Variants in BDNF observed in about 807,000 individuals in gnomAD.
BDNF encodes the protein neurotrophic factor BDNF precursor form.
Under a neutral mutation model 19.5 loss-of-function variants are expected in BDNF, and 1 was observed. That is an observed-to-expected ratio of 0.05 (90% CI 0.02 to 0.24). The LOEUF is 0.24. Among genes scored for constraint, BDNF ranks in the 10% least tolerant of loss-of-function variants. BDNF has a pLI of 1.00. For missense variants in BDNF, 195 were observed against 317.6 expected, an observed-to-expected ratio of 0.61 and a Z score of 2.93; for synonymous variants, 100 against 121.6, an observed-to-expected ratio of 0.82 and a Z score of 1.17.
In BDNF at chr11:27,656,945, G is replaced by T; in HGVS notation, c.*876C>A. The T allele has an allele frequency of 2.0e-6, 2 of 985,330 alleles. No individual in the cohort carries two copies. The highest frequency in any genetic ancestry group is 2.4e-6 in the Non-Finnish European group (2 of 829,956). 61.0% of individuals were successfully genotyped at this position (985,330 alleles called of 1,614,324 possible). ...CTTCCTTAAAACAAAACAAAGAGGA[G>T]ACCAGAGGGGGAGGGGGGGAAAGAA... On this transcript the variant is annotated 3_prime_UTR_variant, in exon 2 of 2. Transcript: ENST00000356660.
chr11:27,656,596 C>T lies in BDNF; in HGVS notation c.*1225G>A, dbSNP rs1181296468. 2 of 985,706 alleles carry T rather than the reference C, an allele frequency of 2.0e-6. No homozygotes were observed. Among genetic ancestry groups the T allele is most frequent in the Admixed American group, 1.2e-4 (2 of 16,262 alleles). The allele number at this position is 985,706 out of a possible 1,614,324, so 61.1% of individuals were successfully genotyped here. A position where few individuals can be genotyped will look rare whatever the true frequency, so the allele number is the denominator to read the frequency against. On this transcript the variant is annotated 3_prime_UTR_variant, in exon 2 of 2. Coordinates refer to ENST00000356660, the MANE Select transcript of BDNF (RefSeq NM_001709.5). The stretch of plus-strand genomic sequence containing the variant: ...AAATGCAATGCCAACTCCACATAGC[C>T]TCCATTTGGCTGTTCAGTCTCATGT...
At chr11:27,697,154 C>CAGAG (rs1240313523) in intron 1 of BDNF, among the ~76,000 whole-genome samples, 1 of 73,174 alleles carries the variant, frequency 1.4e-5, no homozygotes, top group East Asian at 3.6e-4. Flanking sequence ...CACACACACA[C>CAGAG]ACACACACAC....
At chr11:27,674,538 C>A (rs1855835411) in intron 1 of BDNF, 1 of 985,198 alleles carries the variant, frequency 1.0e-6, no homozygotes, top group Admixed American at 6.2e-5. Flanking sequence ...AAGAAACTGG[C>A]TGTACTCCAG....
intron 1 of BDNF, among the ~76,000 whole-genome samples, chr11:27,691,842 C>T (rs547608408): frequency 6.6e-6 from 1 of 152,250 alleles, no homozygotes; most frequent in East Asian, 1.9e-4. Context: ...AAGAGAAACT[C>T]TTTGGAAAAC....
intron 1 of BDNF, among the ~76,000 whole-genome samples, chr11:27,685,844 G>A (rs1857416170): frequency 3.2e-5 from 2 of 62,738 alleles, no homozygotes; most frequent in African/African-American, 1.2e-4. Context: ...TAGAATAAGT[G>A]TGATGTGGTG....
chr11:27,721,187 C>G (rs780184626), intron 1 of BDNF, among the ~76,000 whole-genome samples: 1 of 152,048 alleles, frequency 6.6e-6, no homozygotes, highest in African/African-American at 2.4e-5. Flanking sequence ...CAATATAACA[C>G]ACACCCCCCC....
chr11:27,693,663 A>G (rs1333815541), intron 1 of BDNF, among the ~76,000 whole-genome samples: 1 of 152,198 alleles, frequency 6.6e-6, no homozygotes, highest in Non-Finnish European at 1.5e-5. Flanking sequence ...AATGACTGCA[A>G]ATTTCTCGAC....
At chr11:27,718,287 C>A (rs1330502595) in intron 1 of BDNF, among the ~76,000 whole-genome samples, 4 of 151,712 alleles carry the variant, frequency 2.6e-5, no homozygotes, top group Admixed American at 6.6e-5. Flanking sequence ...GGCCGGTTGC[C>A]GCCTGATTGG....
chr11:27,721,006 C>A (rs1860727227), intron 1 of BDNF, among the ~76,000 whole-genome samples: 1 of 150,118 alleles, frequency 6.7e-6, no homozygotes, highest in African/African-American at 2.5e-5. Flanking sequence ...CCACTCCACC[C>A]CCTAACCCCA....
At chr11:27,700,534 G>T (rs1001753554), upstream of BDNF, 2 of 482,950 alleles carry the variant, frequency 4.1e-6, no homozygotes, top group South Asian at 1.0e-4. Flanking sequence ...CCCCCCCCCC[G>T]CCCCCCGCCC....
chr11:27,665,223 A>G (rs558200297), intron 1 of BDNF: 2 of 152,344 alleles, frequency 1.3e-5, no homozygotes, highest in East Asian at 3.9e-4. Flanking sequence ...AGACAGTGAC[A>G]TTAATTAAGA....
chr11:27,673,289 T>C lies in BDNF; in HGVS notation c.-21-14704A>G, dbSNP rs150716221. ...AGCAAGGGTGATGCAACTGCATTCA[T>C]TGTCCCTAAAGGGAGAACATGCAAT... is the stretch of plus-strand genomic sequence containing the variant. On this transcript the variant is annotated intron_variant, in intron 1 of 1. Transcript: ENST00000356660. Among the ~76,000 whole-genome samples the C allele has an allele frequency of 4.5e-3, 682 of 150,334 alleles. 1 individual carries two copies. Among genetic ancestry groups the C allele is most frequent in the Non-Finnish European group, 7.2e-3 (490 of 67,816 alleles).
intron 1 of BDNF, chr11:27,699,624 T>C: frequency 6.9e-7 from 1 of 1,452,724 alleles, no homozygotes; most frequent in Non-Finnish European, 9.0e-7. Flanking sequence ...TTCGGACTTG[T>C]AAGTCCACTT....
At chr11:27,676,922 T>C (rs928422224) in intron 1 of BDNF, 1 of 152,238 alleles carries the variant, frequency 6.6e-6, no homozygotes, top group Non-Finnish European at 1.5e-5. Context: ...TGTTGTGCTC[T>C]TTAGATCCAG....
At chr11:27,718,253 C>A (rs1039991766) in intron 1 of BDNF, among the ~76,000 whole-genome samples, 1 of 151,280 alleles carries the variant, frequency 6.6e-6, no homozygotes, top group Admixed American at 6.6e-5. Flanking sequence ...GACAAGCAGA[C>A]AGAAAGAAAA....
Position 27,658,382 on chromosome 11 carries a change from G to A in BDNF, c.183C>T (p.Asp61=). Residue 61 remains aspartate, a synonymous_variant, in exon 2 of 2, where the codon GAC becomes GAT. Coordinates refer to ENST00000356660, the MANE Select transcript of BDNF (RefSeq NM_001709.5). The surrounding 1 kb of genome is among the most constrained non-coding windows in gnomAD (Gnocchi z 5.7). ...AGSRGLTSLA[D]TFEHVIEELL... ...GCTCTTCTATCACGTGTTCGAAAGT[G>A]TCAGCCAATGATGTCAAGCCTCTTG... 6.2e-7 allele frequency: 1 copy of A among 1,614,196 alleles called. No individual in the cohort carries two copies. The highest frequency in any genetic ancestry group is 8.5e-7 in the Non-Finnish European group (1 of 1,180,034).
At chr11:27,669,053 TA>T (rs1339193703) in intron 1 of BDNF, among the ~76,000 whole-genome samples, 15 of 152,174 alleles carry the variant, frequency 9.9e-5, no homozygotes, top group Non-Finnish European at 2.2e-4. Flanking sequence ...TCAAAAAGCT[TA>T]TCCACCATGA....
chr11:27,682,161 G>A (rs1379132762), intron 1 of BDNF, among the ~76,000 whole-genome samples: 1 of 151,974 alleles, frequency 6.6e-6, no homozygotes, highest in Non-Finnish European at 1.5e-5. Flanking sequence ...TAAATCACAG[G>A]ATATTCAGTT....
intron 1 of BDNF, among the ~76,000 whole-genome samples, chr11:27,682,599 C>T (rs1856984434): frequency 6.6e-6 from 1 of 151,956 alleles, no homozygotes; most frequent in Admixed American, 6.6e-5. Context: ...TGATGTTCTC[C>T]TCCCAGTGTC....
Sources: gnomAD v4.1 joint callset for allele counts (sites outside exome capture counted in the v4.1 genomes callset) on GRCh38, gnomAD v4.1.1 for gene constraint, Gnocchi (gnomAD v3.1) non-coding constraint, MANE v1.5 for transcripts, NCBI Gene and HGNC (gene_info 2026-07-23, HGNC 2026-07-21) for gene names.